Variants in ROBO1 observed in about 807,000 individuals in gnomAD.
ROBO1 encodes roundabout homolog 1.
Under a neutral mutation model 195.9 loss-of-function variants are expected in ROBO1, and 149 were observed. The observed-to-expected ratio is 0.76, with a 90% CI of 0.67 to 0.87. The LOEUF (loss-of-function observed/expected upper bound fraction) is 0.87, where lower values mean the gene tolerates loss of function less well. Among genes scored for constraint, ROBO1 ranks in the 40% least tolerant of loss-of-function variants. The pLI is 0.00. For synonymous variants in ROBO1, 816 were observed against 733.2 expected, an observed-to-expected ratio of 1.11 and a Z score of -1.82; for missense variants, 1,933 against 2,068.3, an observed-to-expected ratio of 0.93 and a Z score of 1.27.
chr3:78,617,580 AACATATAT>A, intron 27 of ROBO1, 47 bp downstream of exon 27: 1 of 1,515,816 alleles, frequency 6.6e-7, no homozygotes, highest in South Asian at 1.3e-5. Context: ...ATCAGCAACA[AACATATAT>A]ACATTGAGTT....
intron 26 of ROBO1, among the ~76,000 whole-genome samples, chr3:78,618,863 A>C (rs1208692633): frequency 1.3e-5 from 2 of 152,222 alleles, no homozygotes; most frequent in African/African-American, 4.8e-5. Context: ...CTCTGCAGAC[A>C]TGAAGAATAA....
chr3:78,729,871 A>G (rs1481139981), intron 5 of ROBO1, among the ~76,000 whole-genome samples: 1 of 152,224 alleles, frequency 6.6e-6, no homozygotes, highest in Admixed American at 6.5e-5. Context: ...TATTAAAGTT[A>G]ATGTATTATT....
chr3:79,651,509 T>C (rs1409236890), intron 1 of ROBO1, among the ~76,000 whole-genome samples: 1 of 152,108 alleles, frequency 6.6e-6, no homozygotes, highest in Non-Finnish European at 1.5e-5. Flanking sequence ...CAAATTTACT[T>C]CACAAAACTG....
chr3:78,689,391 G>C (rs2107845148), intron 8 of ROBO1, among the ~76,000 whole-genome samples: 1 of 152,168 alleles, frequency 6.6e-6, no homozygotes, highest in Middle Eastern at 3.4e-3. Context: ...TGCCAGCTTT[G>C]TCCAAACTGT....
At chr3:78,725,970 T>C (rs1242469183) in intron 5 of ROBO1, among the ~76,000 whole-genome samples, 1 of 151,862 alleles carries the variant, frequency 6.6e-6, no homozygotes, top group African/African-American at 2.4e-5. Context: ...CCCACAATGT[T>C]ATCCATACAC....
chr3:79,684,249 T>G (rs1237869832), intron 1 of ROBO1, among the ~76,000 whole-genome samples: 1 of 152,186 alleles, frequency 6.6e-6, no homozygotes, highest in Non-Finnish European at 1.5e-5. Context: ...TCAGCACTTC[T>G]TTTTGGAGAA....
chr3:78,803,972 A>AT (rs1350991958), intron 4 of ROBO1, among the ~76,000 whole-genome samples: 1 of 152,176 alleles, frequency 6.6e-6, no homozygotes, highest in Non-Finnish European at 1.5e-5. Context: ...TCTCCTCTGT[A>AT]TAAAAATCAT....
chr3:79,063,854 C>T (rs537139428), intron 3 of ROBO1, among the ~76,000 whole-genome samples: 162 of 151,918 alleles, frequency 1.1e-3, no homozygotes, highest in Non-Finnish European at 1.8e-3. Flanking sequence ...AGACAGACAT[C>T]ACTTAATCTA....
At chr3:78,747,673 A>G (rs775114249) in intron 4 of ROBO1, among the ~76,000 whole-genome samples, 1 of 152,178 alleles carries the variant, frequency 6.6e-6, no homozygotes, top group Non-Finnish European at 1.5e-5. Context: ...CATTAGTCCC[A>G]TACTGTGGAG....
intron 4 of ROBO1, among the ~76,000 whole-genome samples, chr3:78,862,700 TAA>T (rs1014067689): frequency 3.3e-4 from 50 of 152,336 alleles, no homozygotes; most frequent in African/African-American, 1.2e-3. Flanking sequence ...TTAAATATGT[TAA>T]AAGTTAATCA....
At chr3:79,272,339 G>T (rs1302060861) in intron 2 of ROBO1, among the ~76,000 whole-genome samples, 1 of 151,970 alleles carries the variant, frequency 6.6e-6, no homozygotes, top group Non-Finnish European at 1.5e-5. Context: ...TAACACAGCT[G>T]GGAGATGATG....
At chr3:78,831,166 C>T (rs546395230) in intron 4 of ROBO1, among the ~76,000 whole-genome samples, 16 of 152,228 alleles carry the variant, frequency 1.1e-4, no homozygotes, top group Admixed American at 3.9e-4. Context: ...CCGCCTCAGC[C>T]TCCCAAAGTG....
chr3:78,828,768 G>A (rs1233647019), intron 4 of ROBO1, among the ~76,000 whole-genome samples: 1 of 152,180 alleles, frequency 6.6e-6, no homozygotes, highest in Non-Finnish European at 1.5e-5. Context: ...GGCATAGAAG[G>A]ATGTCAGAAA....
chr3:79,473,746 T>G (rs952812845), intron 2 of ROBO1, among the ~76,000 whole-genome samples: 17 of 152,190 alleles, frequency 1.1e-4, no homozygotes, highest in Non-Finnish European at 2.1e-4. Context: ...ATACAAAGGT[T>G]GTTTTAATTT....
intron 2 of ROBO1, among the ~76,000 whole-genome samples, chr3:79,495,568 A>T (rs1939683813): frequency 6.6e-6 from 1 of 152,178 alleles, no homozygotes; most frequent in Non-Finnish European, 1.5e-5. Context: ...TATTTATAAA[A>T]CTAATATAAT....
rs555453719 is a variant in ROBO1 at position 78,931,611 on chromosome 3, G to T, written c.499+6990C>A. Among the ~76,000 whole-genome samples the T allele has an allele frequency of 8.5e-5, 13 of 152,150 alleles. No homozygotes were observed. The South Asian group carries it at 2.7e-3, about 32-fold the overall frequency. On this transcript the variant is annotated intron_variant, in intron 4 of 30. Transcript: ENST00000464233. ...ACAGAAGAACTTTTATCCACCAAGG[G>T]TATTTAACCATGTTTTATTCTAACC...
At chr3:79,229,197 C>CATTAGCAAATAAATTAGCAATAAA (rs1230880974) in intron 2 of ROBO1, among the ~76,000 whole-genome samples, 3 of 152,058 alleles carry the variant, frequency 2.0e-5, no homozygotes, top group Middle Eastern at 3.2e-3. Context: ...ATTCTAAATG[C>CATTAGCAAATAAATTAGCAATAAA]ATTGCTTTAT....
chr3:79,683,785 C>CT (rs931175149), intron 1 of ROBO1, among the ~76,000 whole-genome samples: 3 of 151,668 alleles, frequency 2.0e-5, no homozygotes, highest in Admixed American at 2.0e-4. Flanking sequence ...CCCTTCATTC[C>CT]TTTTTTTTGA....
chr3:79,342,184 G>A, intron 2 of ROBO1, among the ~76,000 whole-genome samples: 1 of 152,160 alleles, frequency 6.6e-6, no homozygotes, highest in Non-Finnish European at 1.5e-5. Context: ...TTGAATTATA[G>A]GCCAAGAGTT....
Sources: gnomAD v4.1 joint callset for allele counts (sites outside exome capture counted in the v4.1 genomes callset) on GRCh38, gnomAD v4.1.1 for gene constraint, MANE v1.5 for transcripts, NCBI Gene and HGNC (gene_info 2026-07-23, HGNC 2026-07-21) for gene names.